The following AGBL2 variants were observed in gnomAD, a reference collection of about 807,000 sequenced individuals.
The protein encoded by AGBL2 is cytosolic carboxypeptidase 2.
A neutral mutation model predicts 103.0 loss-of-function variants in AGBL2; 87 were observed. The observed-to-expected ratio is 0.84, with a 90% CI of 0.71 to 1.01. The LOEUF (loss-of-function observed/expected upper bound fraction) is 1.01, where lower values mean the gene tolerates loss of function less well. AGBL2 is among the 50% of genes least tolerant of loss of function. The pLI is 0.00. For synonymous variants in AGBL2, 335 were observed against 356.7 expected, an observed-to-expected ratio of 0.94 and a Z score of 0.69; for missense variants, 904 against 1,023.5, an observed-to-expected ratio of 0.88 and a Z score of 1.59.
Position 47,695,213 on chromosome 11 carries a change from G to A in AGBL2, c.695-2957C>T, listed in dbSNP as rs1298728549. ...ACAAAGGCTGGGCATGGTGGCTCAC[G>A]CCTGTAATCCCAGCACTTTGGGAGG... On this transcript the variant is annotated intron_variant, in intron 8 of 18. Transcript: ENST00000525123. 4.0e-5 allele frequency among the ~76,000 whole-genome samples: 6 copies of A among 151,694 alleles called. No homozygotes were observed. The South Asian group carries it at 8.3e-4, about 21-fold the overall frequency.
At chr11:47,711,691 G>A (rs551561668) in intron 3 of AGBL2, among the ~76,000 whole-genome samples, 6 of 152,264 alleles carry the variant, frequency 3.9e-5, no homozygotes, top group Admixed American at 3.9e-4. Context: ...GCAACACCAT[G>A]CCCAGCTAAT....
chr11:47,693,932 G>A (rs1234994364), intron 8 of AGBL2, among the ~76,000 whole-genome samples: 2 of 152,110 alleles, frequency 1.3e-5, no homozygotes, highest in South Asian at 2.1e-4. Flanking sequence ...GCTCATGCCT[G>A]TAATCCCAGC....
rs2097516778 is a variant in AGBL2, at chr11:47,705,865, T to C, written c.285A>G (p.Arg95=). ...CTGGTCTGGAAGGACATGAAATACC[T>C]CTGTTGATGGCTTCTATCTGTCTGT... ...AVHRQIEAIN[R]DFHSCLGWMQ... is the part of the protein sequence containing the mutation. The change falls in exon 5 of 19, where the codon AGA becomes AGG. Residue 95 remains arginine, a splice_region_variant and synonymous_variant. Coordinates refer to ENST00000525123, the MANE Select transcript of AGBL2 (RefSeq NM_024783.4). The C allele has an allele frequency of 1.2e-6, 2 of 1,613,884 alleles. No individual in the cohort carries two copies. Among genetic ancestry groups the C allele is most frequent in the Non-Finnish European group, 1.7e-6 (2 of 1,179,904 alleles).
At chr11:47,674,522 G>A (rs554520078) in intron 14 of AGBL2, among the ~76,000 whole-genome samples, 48 of 143,782 alleles carry the variant, frequency 3.3e-4, no homozygotes, top group African/African-American at 1.0e-3. Context: ...AGCTGAGATC[G>A]TGCCACTGCA....
In AGBL2 at chr11:47,714,702, C is replaced by A; in HGVS notation, c.-52G>T. On this transcript the variant is annotated 5_prime_UTR_variant, in exon 2 of 19. Transcript: ENST00000525123. ...CTAGTCAGTGACATTAGCATCCAGT[C>A]GCAAACCCTGCCCAATTTCCAAATA... 2 of 1,569,778 alleles carry A rather than the reference C, an allele frequency of 1.3e-6. No individual in the cohort carries two copies. The highest frequency in any genetic ancestry group is 2.2e-5 in the South Asian group (2 of 90,154).
chr11:47,671,469 A>C (rs899285406), intron 14 of AGBL2, among the ~76,000 whole-genome samples: 1 of 152,168 alleles, frequency 6.6e-6, no homozygotes, highest in African/African-American at 2.4e-5. Context: ...GCAGTGATGC[A>C]GTGAGCCGAG....
chr11:47,677,320 C>T lies in AGBL2; in HGVS notation c.2098G>A (p.Asp700Asn), dbSNP rs775596299. 3.1e-6 allele frequency: 5 copies of T among 1,611,912 alleles called. No homozygotes were observed. The highest frequency in any genetic ancestry group is 4.2e-6 in the Non-Finnish European group (5 of 1,178,894). The change falls in exon 14 of 19, where the codon GAT (aspartate) becomes AAT (asparagine). Residue 700 changes from aspartate (D) to asparagine (N), a missense_variant. By Grantham distance (23) the Asp-to-Asn change is conservative (BLOSUM62 1). Coordinates refer to ENST00000525123, the MANE Select transcript of AGBL2 (RefSeq NM_024783.4). Reference protein sequence around the residue: ...KKFHELGQDVDLEGSWSDISL... With the variant: ...KKFHELGQDVNLEGSWSDISL... ...ATGTCACTCCAACTTCCTTCTAAAT[C>T]TACATCTTGTCCAAGTTCATGGAAT...
chr11:47,714,484 G>C (rs1257046145), intron 2 of AGBL2, 134 bp downstream of exon 2: 3 of 1,318,070 alleles, frequency 2.3e-6, no homozygotes, highest in Non-Finnish European at 3.3e-6. Flanking sequence ...TTCTATCGTG[G>C]GGATCAAGAT....
At chr11:47,709,387 G>A (rs930654241) in intron 4 of AGBL2, among the ~76,000 whole-genome samples, 1 of 150,606 alleles carries the variant, frequency 6.6e-6, no homozygotes, top group Non-Finnish European at 1.5e-5. Flanking sequence ...AAGCAGGGGG[G>A]GTTGTAGAGA....
intron 14 of AGBL2, among the ~76,000 whole-genome samples, chr11:47,675,396 T>TG (rs2097371580): frequency 7.3e-6 from 1 of 137,196 alleles, no homozygotes; most frequent in African/African-American, 2.7e-5. Context: ...TTTTTTTTTT[T>TG]TTTTTGAGAC....
At chr11:47,711,282 C>T (rs1240528497) in intron 3 of AGBL2, among the ~76,000 whole-genome samples, 1 of 152,108 alleles carries the variant, frequency 6.6e-6, no homozygotes, top group East Asian at 1.9e-4. Context: ...TAAAGATGAA[C>T]CACCGAAGAG....
intron 14 of AGBL2, among the ~76,000 whole-genome samples, chr11:47,675,268 G>A (rs1355085441): frequency 7.3e-6 from 1 of 137,264 alleles, no homozygotes; most frequent in Non-Finnish European, 1.5e-5. Flanking sequence ...TAGTACACTA[G>A]CGCGGCCATA....
At chr11:47,671,986 T>C (rs1040327481) in intron 14 of AGBL2, among the ~76,000 whole-genome samples, 4 of 152,210 alleles carry the variant, frequency 2.6e-5, no homozygotes, top group African/African-American at 4.8e-5. Context: ...GCCAGTTTCT[T>C]GAGGCAGAGG....
intron 15 of AGBL2, 78 bp from the exon 16 acceptor site, chr11:47,667,774 C>G: frequency 1.3e-6 from 2 of 1,483,560 alleles, no homozygotes; most frequent in Non-Finnish European, 1.8e-6. Flanking sequence ...CTTCATGCAA[C>G]ACTCAAGACA....
chr11:47,673,148 T>A (rs1331720895), intron 14 of AGBL2, among the ~76,000 whole-genome samples: 1 of 152,202 alleles, frequency 6.6e-6, no homozygotes, highest in South Asian at 2.1e-4. Context: ...AAAAGATCTC[T>A]GACTTTGCAG....
intron 11 of AGBL2, among the ~76,000 whole-genome samples, chr11:47,684,577 GA>G (rs1244181096): frequency 4.8e-5 from 7 of 147,110 alleles, no homozygotes; most frequent in Non-Finnish European, 7.5e-5. Flanking sequence ...ATAAGGAGAA[GA>G]AAAAAAAATA....
At chr11:47,666,250 C>T (rs1236900082) in intron 17 of AGBL2, among the ~76,000 whole-genome samples, 7 of 151,464 alleles carry the variant, frequency 4.6e-5, no homozygotes, top group African/African-American at 9.7e-5. Context: ...AAAAATTAGC[C>T]GAGCATGGTG....
chr11:47,709,361 G>C (rs562669597), intron 4 of AGBL2, among the ~76,000 whole-genome samples: 1 of 151,184 alleles, frequency 6.6e-6, no homozygotes. Context: ...TAAGGGTAGC[G>C]GTGGAGGTTG....
chr11:47,706,438 C>A (rs1046010298), intron 4 of AGBL2, among the ~76,000 whole-genome samples: 3 of 152,152 alleles, frequency 2.0e-5, no homozygotes, highest in Non-Finnish European at 4.4e-5. Context: ...ATGCCGTGAA[C>A]CCGGGAGGCG....
Sources: gnomAD v4.1 joint callset for allele counts (sites outside exome capture counted in the v4.1 genomes callset) on GRCh38, gnomAD v4.1.1 for gene constraint, MANE v1.5 for transcripts, NCBI Gene and HGNC (gene_info 2026-07-23, HGNC 2026-07-21) for gene names.